TMEM50B: variants seen among roughly 807,000 people sequenced by gnomAD.
TMEM50B encodes the protein transmembrane protein 50B.
In TMEM50B, 14 loss-of-function variants were observed where a neutral mutation model predicts 23.4. That is an observed-to-expected ratio of 0.60 (90% CI 0.39 to 0.93). TMEM50B has a LOEUF of 0.93. TMEM50B is among the 40% of genes least tolerant of loss of function. TMEM50B has a pLI of 0.00. For missense variants in TMEM50B, 159 were observed against 193.0 expected (o/e 0.82, Z 1.04); for synonymous variants, 64 against 62.3 (o/e 1.03, Z -0.13).
At chr21:33,467,162 T>G (rs2123447655) in intron 2 of TMEM50B, 40 bp from the exon 3 acceptor site, 1 of 1,515,170 alleles carries the variant, frequency 6.6e-7, no homozygotes, top group Admixed American at 1.7e-5. Context: ...TTAAAACTCT[T>G]GCTAGCACAA....
rs1014049628 is a variant in TMEM50B at position 33,449,693 on chromosome 21, T to G, written c.*1125A>C. On this transcript the variant is annotated 3_prime_UTR_variant, in exon 7 of 7. Transcript: ENST00000542230. The stretch of plus-strand genomic sequence containing the variant: ...GCATAATTTTTCACTAGGTGATAAT[T>G]CCCTTTGGGAAGAAGTGCTTTATCT... The G allele has an allele frequency of 7.2e-5, 11 of 152,338 alleles. No individual in the cohort carries two copies. Among genetic ancestry groups the G allele is most frequent in the Admixed American group, 2.0e-4 (3 of 15,276 alleles). The allele number at this position is 152,338 out of a possible 1,614,324, so 9.4% of individuals were successfully genotyped here.
intron 1 of TMEM50B, among the ~76,000 whole-genome samples, chr21:33,473,646 C>A (rs1380759069): frequency 5.3e-5 from 7 of 131,282 alleles, no homozygotes; most frequent in Admixed American, 8.0e-5. Flanking sequence ...CACAGTGAGA[C>A]CTTGTCTCAA....
At chr21:33,477,301 G>A (rs1307591768) in intron 1 of TMEM50B, among the ~76,000 whole-genome samples, 1 of 151,230 alleles carries the variant, frequency 6.6e-6, no homozygotes, top group Non-Finnish European at 1.5e-5. Context: ...GTGAGGGGTG[G>A]GGTTGGGAGG....
chr21:33,462,561 A>G (rs1461139953), intron 4 of TMEM50B, among the ~76,000 whole-genome samples: 5 of 152,016 alleles, frequency 3.3e-5, no homozygotes, highest in African/African-American at 1.2e-4. Context: ...AATCCCAGCT[A>G]CTCTGGAGGC....
chr21:33,447,440 T>C (rs1007613287), downstream of TMEM50B, among the ~76,000 whole-genome samples: 2 of 151,916 alleles, frequency 1.3e-5, no homozygotes, highest in African/African-American at 4.8e-5. Context: ...TAAGACACTG[T>C]AAAAAGGACT....
downstream of TMEM50B, chr21:33,448,785 T>C (rs973156612): frequency 3.3e-5 from 5 of 151,998 alleles, no homozygotes; most frequent in African/African-American, 4.8e-5. Context: ...CACGTACCTG[T>C]GGTCCCAGCT....
intron 2 of TMEM50B, 116 bp from the exon 3 acceptor site, chr21:33,467,238 G>A (rs1321101588): frequency 8.3e-6 from 7 of 846,812 alleles, no homozygotes; most frequent in Admixed American, 8.1e-5. Flanking sequence ...AGAGGCTCAC[G>A]CCTGTAATCC....
At chr21:33,479,465 C>T (rs577673460) in intron 1 of TMEM50B, 1 of 152,356 alleles carries the variant, frequency 6.6e-6, no homozygotes, top group South Asian at 2.1e-4. Flanking sequence ...TCCCGAAAAC[C>T]GTCGCCTCCG....
At chr21:33,435,882 CA>C (rs35251279) in intron 8 of TMEM50B, among the ~76,000 whole-genome samples, 10,763 of 47,350 alleles carry the variant, frequency 0.23, 311 homozygotes, top group South Asian at 0.28. Context: ...GACTCCGTCT[CA>C]AAAAAAAAAA....
At chr21:33,432,749 G>C in exon 9 of TMEM50B, 1 of 1,614,136 alleles carries the variant, frequency 6.2e-7, no homozygotes, top group Non-Finnish European at 8.5e-7. Flanking sequence ...CCTGATCTCC[G>C]TGGGAACATT....
At chr21:33,436,606 C>T (rs2083953751) in intron 8 of TMEM50B, among the ~76,000 whole-genome samples, 1 of 151,670 alleles carries the variant, frequency 6.6e-6, no homozygotes, top group Non-Finnish European at 1.5e-5. Context: ...CCTGTAGTCC[C>T]AGCTACTTGG....
exon 9 of TMEM50B, chr21:33,432,738 T>C (rs1432264726): frequency 6.2e-7 from 1 of 1,614,188 alleles, no homozygotes; most frequent in South Asian, 1.1e-5. Flanking sequence ...CAGCAAGTCA[T>C]CCTGATCTCC....
intron 3 of TMEM50B, among the ~76,000 whole-genome samples, chr21:33,466,152 T>C (rs934175140): frequency 6.6e-6 from 1 of 151,936 alleles, no homozygotes; most frequent in Non-Finnish European, 1.5e-5. Context: ...TCCCAGCTAC[T>C]TGGGAGGCTG....
intron 8 of TMEM50B, chr21:33,437,115 G>T: frequency 3.1e-6 from 2 of 650,552 alleles, no homozygotes; most frequent in Non-Finnish European, 5.3e-6. Flanking sequence ...AGGTCTCATG[G>T]GGGTGACAAG....
chr21:33,479,810 G>C (rs991441824), intron 1 of TMEM50B, 28 bp downstream of exon 1: 4 of 152,364 alleles, frequency 2.6e-5, no homozygotes, highest in African/African-American at 9.7e-5. Flanking sequence ...CGGTTGCCTG[G>C]CGCCGGAGAC....
chr21:33,452,267 G>A (rs2084128691), intron 6 of TMEM50B, among the ~76,000 whole-genome samples: 1 of 152,232 alleles, frequency 6.6e-6, no homozygotes, highest in Non-Finnish European at 1.5e-5. Context: ...AAGGCCACAA[G>A]GCGAAATCCA....
At chr21:33,448,581 C>T (rs941881670), downstream of TMEM50B, among the ~76,000 whole-genome samples, 4 of 151,876 alleles carry the variant, frequency 2.6e-5, no homozygotes, top group East Asian at 3.9e-4. Flanking sequence ...CCAAGGTTCA[C>T]GCCATTCTCT....
chr21:33,434,625 T>C (rs548166198), intron 8 of TMEM50B, among the ~76,000 whole-genome samples: 1 of 152,288 alleles, frequency 6.6e-6, no homozygotes, highest in East Asian at 1.9e-4. Context: ...CTCAGTTACA[T>C]GTGGGATGAA....
chr21:33,453,967 G>A (rs960896149), intron 6 of TMEM50B, among the ~76,000 whole-genome samples: 1 of 151,952 alleles, frequency 6.6e-6, no homozygotes, highest in African/African-American at 2.4e-5. Context: ...AGCTGGGTGT[G>A]GCAGTGCATG....
Sources: gnomAD v4.1 joint callset for allele counts (sites outside exome capture counted in the v4.1 genomes callset) on GRCh38, gnomAD v4.1.1 for gene constraint, MANE v1.5 for transcripts, NCBI Gene and HGNC (gene_info 2026-07-23, HGNC 2026-07-21) for gene names.